TRIM36: variants seen among roughly 807,000 people sequenced by gnomAD.
The protein encoded by TRIM36 is tripartite motif containing 36.
TRIM36 carries 42 observed loss-of-function variants against 72.4 expected under a neutral mutation model. That is an observed-to-expected ratio of 0.58 (90% confidence interval 0.45 to 0.75). The LOEUF is 0.75. Ranked by LOEUF, TRIM36 falls within the 30% of genes least tolerant of loss-of-function variation. The pLI is 0.00. For missense variants in TRIM36, 913 were observed against 857.1 expected, an observed-to-expected ratio of 1.07 and a Z score of -0.81; for synonymous variants, 315 against 282.8, an observed-to-expected ratio of 1.11 and a Z score of -1.14.
chr5:115,143,213 C>T (rs1243816869), intron 4 of TRIM36, among the ~76,000 whole-genome samples: 1 of 117,788 alleles, frequency 8.5e-6, no homozygotes, highest in Non-Finnish European at 1.7e-5. Context: ...CTGTTCCCCA[C>T]CAGCCAGACA....
intron 2 of TRIM36, 128 bp downstream of exon 2, chr5:115,163,390 T>C (rs1164212662): frequency 3.9e-6 from 3 of 772,112 alleles, no homozygotes; most frequent in Non-Finnish European, 6.2e-6. Context: ...ATAACTACAG[T>C]TTTAATTTAT....
At chr5:115,167,638 A>G (rs546975217) in intron 1 of TRIM36, among the ~76,000 whole-genome samples, 2 of 152,296 alleles carry the variant, frequency 1.3e-5, no homozygotes, top group Admixed American at 6.5e-5. Flanking sequence ...TGTCCATACC[A>G]CTAGCAGAAT....
chr5:115,178,336 C>T (rs973609675), intron 1 of TRIM36, among the ~76,000 whole-genome samples: 1 of 152,178 alleles, frequency 6.6e-6, no homozygotes, highest in Non-Finnish European at 1.5e-5. Flanking sequence ...TCCTCCCTGC[C>T]CCCTAGCCCC....
chr5:115,151,334 C>G (rs1287223629), intron 2 of TRIM36, among the ~76,000 whole-genome samples: 2 of 152,170 alleles, frequency 1.3e-5, no homozygotes, highest in African/African-American at 2.4e-5. Flanking sequence ...CTCCATTGAC[C>G]TGGAAACCTC....
chr5:115,180,209 T>G, upstream of TRIM36: 2 of 619,264 alleles, frequency 3.2e-6, no homozygotes, highest in Non-Finnish European at 5.5e-6. Context: ...TTGGGTGAAA[T>G]GAAGGCCATC....
At chr5:115,178,723 A>AG (rs1158442486) in intron 1 of TRIM36, among the ~76,000 whole-genome samples, 1 of 152,180 alleles carries the variant, frequency 6.6e-6, no homozygotes, top group Non-Finnish European at 1.5e-5. Context: ...TGTAAATGGT[A>AG]GGGGAGGCCC....
chr5:115,137,666 C>G, intron 5 of TRIM36, 50 bp from the exon 6 acceptor site: 1 of 1,502,526 alleles, frequency 6.7e-7, no homozygotes, highest in Non-Finnish European at 8.8e-7. Flanking sequence ...AAAGAATAGC[C>G]TCTTCTGCTA....
intron 1 of TRIM36, among the ~76,000 whole-genome samples, chr5:115,163,954 G>A (rs1754626663): frequency 6.6e-6 from 1 of 152,116 alleles, no homozygotes; most frequent in Non-Finnish European, 1.5e-5. Flanking sequence ...GAAGGAACAT[G>A]AGATAGTAAA....
At chr5:115,150,176 G>A (rs2112857028) in intron 2 of TRIM36, among the ~76,000 whole-genome samples, 1 of 152,266 alleles carries the variant, frequency 6.6e-6, no homozygotes, top group East Asian at 1.9e-4. Flanking sequence ...AAGAAAATGA[G>A]AATCTTAGGA....
upstream of TRIM36, among the ~76,000 whole-genome samples, chr5:115,170,395 A>C (rs1334020386): frequency 6.6e-6 from 1 of 152,100 alleles, no homozygotes; most frequent in Non-Finnish European, 1.5e-5. Context: ...CAGGCTCGGC[A>C]CAGGACGGTG....
intron 2 of TRIM36, chr5:115,148,471 G>T (rs1387352665): frequency 1.8e-6 from 1 of 558,436 alleles, no homozygotes; most frequent in African/African-American, 2.2e-5. Context: ...CTAGGCTGGA[G>T]TGTGATCTCG....
Position 115,137,357 on chromosome 5 carries a change from GAA to G in TRIM36, c.1085+4_1085+5del, listed in dbSNP as rs1561424253. 1 of 1,599,006 alleles carries G rather than the reference GAA, an allele frequency of 6.3e-7. No homozygotes were observed. The highest frequency in any genetic ancestry group is 2.2e-5 in the East Asian group (1 of 44,782). ...AGGTTCTAAAGTTAGAAGTAAAAGA[GAA>G]TACCTGAGGTGGAGCTGCTTTGCTG... On this transcript the variant is annotated splice_donor_5th_base_variant and intron_variant, in intron 6 of 9. Transcript: ENST00000513154.
intron 2 of TRIM36, among the ~76,000 whole-genome samples, chr5:115,161,195 T>TA (rs200394718): frequency 0.29 from 43,402 of 148,148 alleles, 6,240 homozygotes; most frequent in Middle Eastern, 0.32. Context: ...TATGTGTCTT[T>TA]AAAAAAAAAA....
chr5:115,130,859 C>T lies in TRIM36; in HGVS notation c.1529G>A (p.Gly510Asp). ...CAGCAGGAGGTGTTCATTATTATAGCCACATTTTTCATCAAAGAGGAAGCT... is the reference window on the plus strand; with the variant it reads ...CAGCAGGAGGTGTTCATTATTATAGTCACATTTTTCATCAAAGAGGAAGCT... ...VFSFLFDEKCGYNNEHLLLNL... is the reference protein window; with the variant it reads ...VFSFLFDEKCDYNNEHLLLNL... The change falls in exon 9 of 10, where the codon GGC becomes GAC. Residue 510 changes from glycine to aspartate, a missense_variant. Physicochemically the swap from Gly to Asp is moderately conservative, Grantham distance 94. Transcript: ENST00000513154. The T allele has an allele frequency of 1.9e-6, 3 of 1,608,594 alleles. No individual in the cohort carries two copies. The highest frequency in any genetic ancestry group is 2.5e-6 in the Non-Finnish European group (3 of 1,176,534).
At chr5:115,137,890 G>A (rs1411296955) in intron 5 of TRIM36, among the ~76,000 whole-genome samples, 1 of 152,068 alleles carries the variant, frequency 6.6e-6, no homozygotes, top group African/African-American at 2.4e-5. Flanking sequence ...TTATAATATT[G>A]TACTTCCTTA....
At chr5:115,174,329 C>A (rs1755243089), upstream of TRIM36, 1 of 152,046 alleles carries the variant, frequency 6.6e-6, no homozygotes, top group East Asian at 1.9e-4. Context: ...TTTTGGGAAC[C>A]CCTAATAATT....
intron 5 of TRIM36, among the ~76,000 whole-genome samples, chr5:115,139,623 T>C (rs1753166738): frequency 6.6e-6 from 1 of 152,054 alleles, no homozygotes; most frequent in African/African-American, 2.4e-5. Context: ...AACATCCAAC[T>C]CAGAAATATC....
chr5:115,143,153 C>T (rs1454498550), intron 4 of TRIM36, among the ~76,000 whole-genome samples: 3 of 132,960 alleles, frequency 2.3e-5, no homozygotes, highest in Non-Finnish European at 4.6e-5. Flanking sequence ...AATCACCCTA[C>T]AGGTTCAAGG....
chr5:115,133,824 ACT>A, intron 8 of TRIM36, 34 bp downstream of exon 8: 1 of 1,536,284 alleles, frequency 6.5e-7, no homozygotes, highest in Non-Finnish European at 8.7e-7. Flanking sequence ...CTTGCAACTA[ACT>A]CTATGCTTTT....
Sources: gnomAD v4.1 joint callset for allele counts (sites outside exome capture counted in the v4.1 genomes callset) on GRCh38, gnomAD v4.1.1 for gene constraint, MANE v1.5 for transcripts, NCBI Gene and HGNC (gene_info 2026-07-23, HGNC 2026-07-21) for gene names.